MRPS28: variants seen among roughly 807,000 people sequenced by gnomAD.
MRPS28 encodes small ribosomal subunit protein bS1m.
Under a neutral mutation model 10.8 loss-of-function variants are expected in MRPS28, and 7 were observed. That is an observed-to-expected ratio of 0.65 (90% CI 0.37 to 1.22). The LOEUF (loss-of-function observed/expected upper bound fraction) is 1.22, where lower values mean the gene tolerates loss of function less well. Ranked by LOEUF, MRPS28 falls within the 50% of genes most tolerant of loss-of-function variation. The probability of loss-of-function intolerance (pLI) is 0.02; values close to 1 mark genes in which losing one functional copy is unlikely to be tolerated. For missense variants in MRPS28, 265 were observed against 232.9 expected, an observed-to-expected ratio of 1.14 and a Z score of -0.90; for synonymous variants, 121 against 93.3, an observed-to-expected ratio of 1.30 and a Z score of -1.71.
chr8:79,926,005 AAAAAGAAAAAAAGAGAG>A (rs1810224813), intron 2 of MRPS28, among the ~76,000 whole-genome samples: 1 of 151,944 alleles, frequency 6.6e-6, no homozygotes, highest in East Asian at 1.9e-4. Flanking sequence ...AAGAAAAAAA[AAAAAGAAAAAAAGAGAG>A]AAAAGAAAAG....
chr8:79,963,434 ATAATT>A (rs1478156332), intron 2 of MRPS28, among the ~76,000 whole-genome samples: 1 of 152,112 alleles, frequency 6.6e-6, no homozygotes, highest in African/African-American at 2.4e-5. Flanking sequence ...CTGTGACTAT[ATAATT>A]ACCTGTTTGC....
At chr8:79,946,835 C>T (rs973019497) in intron 2 of MRPS28, among the ~76,000 whole-genome samples, 3 of 151,986 alleles carry the variant, frequency 2.0e-5, no homozygotes, top group Non-Finnish European at 4.4e-5. Flanking sequence ...AGAATCATTG[C>T]AATTTAAGAT....
intron 2 of MRPS28, among the ~76,000 whole-genome samples, chr8:79,982,519 G>T (rs1487690319): frequency 1.3e-5 from 2 of 152,178 alleles, no homozygotes; most frequent in Non-Finnish European, 2.9e-5. Context: ...GTCAAAGAAG[G>T]GGGTGACAGA....
At chr8:79,935,241 C>T (rs557669612) in intron 2 of MRPS28, among the ~76,000 whole-genome samples, 30 of 152,328 alleles carry the variant, frequency 2.0e-4, no homozygotes, top group South Asian at 1.4e-3. Flanking sequence ...TCACATTCTA[C>T]GTCTGCAGAA....
chr8:80,017,769 C>A (rs953079595), intron 1 of MRPS28, among the ~76,000 whole-genome samples: 1 of 152,102 alleles, frequency 6.6e-6, no homozygotes, highest in Non-Finnish European at 1.5e-5. Context: ...CAAAACCACA[C>A]AAAGACATTA....
chr8:79,943,795 T>C (rs927011251), intron 2 of MRPS28, among the ~76,000 whole-genome samples: 4 of 152,220 alleles, frequency 2.6e-5, no homozygotes, highest in Non-Finnish European at 4.4e-5. Context: ...ATGTTAATAT[T>C]TCTCTTTTAG....
chr8:79,982,346 G>A (rs1411991428), intron 2 of MRPS28, among the ~76,000 whole-genome samples: 2 of 152,246 alleles, frequency 1.3e-5, no homozygotes, highest in Non-Finnish European at 1.5e-5. Context: ...CGCAGAAGAC[G>A]GGTGATTTCT....
intron 2 of MRPS28, among the ~76,000 whole-genome samples, chr8:79,994,520 A>G (rs1445037062): frequency 1.3e-5 from 2 of 152,072 alleles, no homozygotes; most frequent in Non-Finnish European, 2.9e-5. Flanking sequence ...CACCAACCAC[A>G]ACTATTCAGT....
intron 2 of MRPS28, among the ~76,000 whole-genome samples, chr8:80,001,122 A>G (rs1248762341): frequency 6.6e-6 from 1 of 152,220 alleles, no homozygotes; most frequent in African/African-American, 2.4e-5. Context: ...CACAAAATAT[A>G]TCTTTTTATA....
At chr8:79,979,915 C>CAAAA (rs61633169) in intron 2 of MRPS28, among the ~76,000 whole-genome samples, 528 of 31,340 alleles carry the variant, frequency 0.017, 173 homozygotes, top group African/African-American at 0.019. Context: ...GATTCTCACG[C>CAAAA]AAAAAAAAAA....
chr8:80,005,232 G>A (rs1175709007), intron 1 of MRPS28, among the ~76,000 whole-genome samples: 1 of 152,190 alleles, frequency 6.6e-6, no homozygotes, highest in Non-Finnish European at 1.5e-5. Flanking sequence ...AGGGCAGCCA[G>A]AGAGAAAGGT....
chr8:79,920,861 C>A (rs1015178997), intron 2 of MRPS28, among the ~76,000 whole-genome samples: 2 of 152,158 alleles, frequency 1.3e-5, no homozygotes, highest in Non-Finnish European at 2.9e-5. Context: ...GAAGTCCTTG[C>A]GCATGCCTAT....
intron 1 of MRPS28, among the ~76,000 whole-genome samples, chr8:80,003,872 C>T (rs376547770): frequency 1.5e-4 from 23 of 152,210 alleles, no homozygotes; most frequent in African/African-American, 4.3e-4. Flanking sequence ...CCCATGCCCA[C>T]GGAGCCTCGC....
chr8:80,025,515 C>A (rs1382280721), intron 1 of MRPS28, among the ~76,000 whole-genome samples: 2 of 152,114 alleles, frequency 1.3e-5, no homozygotes, highest in Non-Finnish European at 2.9e-5. Context: ...CAAACAGAAA[C>A]AACCTAAAAG....
rs761615776 is a variant in MRPS28, at chr8:80,003,086, C to T, written c.308G>A (p.Arg103Gln). Residue 103 changes from arginine (R) to glutamine (Q), a missense_variant, in exon 2 of 3, where the codon CGG becomes CAG. Transcript: ENST00000276585. ...GPAKDKLVIG[R>Q]IFHIVENDLY... Reference sequence around the variant, plus strand: ...ATCATTCTCCACAATATGAAAGATCCGTCCAATGACCAGTTTATCCTTTGC... The same window carrying T: ...ATCATTCTCCACAATATGAAAGATCTGTCCAATGACCAGTTTATCCTTTGC... The T allele has an allele frequency of 2.9e-5, 46 of 1,613,428 alleles. No individual in the cohort carries two copies. The highest frequency in any genetic ancestry group is 6.7e-5 in the East Asian group (3 of 44,854).
intron 1 of MRPS28, among the ~76,000 whole-genome samples, chr8:80,007,811 T>C (rs890189630): frequency 2.0e-5 from 3 of 152,128 alleles, no homozygotes; most frequent in Non-Finnish European, 4.4e-5. Context: ...TGCTCATGAA[T>C]AGGAAGAATC....
chr8:79,932,176 G>A (rs570723376), intron 2 of MRPS28, among the ~76,000 whole-genome samples: 17 of 152,254 alleles, frequency 1.1e-4, no homozygotes, highest in African/African-American at 4.1e-4. Context: ...GAAAGAAAGG[G>A]TTCCAGTACT....
At chr8:79,964,258 T>C (rs1218896628) in intron 2 of MRPS28, among the ~76,000 whole-genome samples, 1 of 152,090 alleles carries the variant, frequency 6.6e-6, no homozygotes, top group Non-Finnish European at 1.5e-5. Flanking sequence ...TATATTAATA[T>C]CATATTGTCC....
At chr8:79,989,294 G>C (rs545206068) in intron 2 of MRPS28, among the ~76,000 whole-genome samples, 5 of 152,194 alleles carry the variant, frequency 3.3e-5, no homozygotes, top group Non-Finnish European at 7.4e-5. Context: ...GCTTGAATCA[G>C]TTGAAATTTC....
Sources: allele counts gnomAD v4.1 joint callset (sites outside exome capture counted in the v4.1 genomes callset), GRCh38; gene constraint gnomAD v4.1.1; transcripts MANE v1.5; gene names NCBI Gene and HGNC (gene_info 2026-07-23, HGNC 2026-07-21).